The following SLC4A4 variants were observed in gnomAD, a reference collection of about 807,000 sequenced individuals.
SLC4A4 encodes the protein electrogenic sodium bicarbonate cotransporter 1.
In SLC4A4, 27 loss-of-function variants were observed where a neutral mutation model predicts 111.5. The ratio of observed to expected loss-of-function variants is 0.24; its 90% CI spans 0.18 to 0.33. The LOEUF (loss-of-function observed/expected upper bound fraction) is 0.33. SLC4A4 is among the 10% of genes least tolerant of loss of function. SLC4A4 has a pLI of 1.00. For synonymous variants in SLC4A4, 443 were observed against 463.4 expected (o/e 0.96, Z 0.57); for missense variants, 909 against 1,315.5 (o/e 0.69, Z 4.78).
chr4:71,450,264 T>C (rs900316120), intron 9 of SLC4A4, 125 bp from the exon 10 acceptor site: 1 of 750,728 alleles, frequency 1.3e-6, no homozygotes, highest in Non-Finnish European at 2.4e-6. Flanking sequence ...ATAGGGACTA[T>C]CAGAGCATGG....
chr4:71,083,903 T>C (rs1217093020), intron 1 of SLC4A4, among the ~76,000 whole-genome samples: 2 of 151,568 alleles, frequency 1.3e-5, no homozygotes, highest in Non-Finnish European at 2.9e-5. Context: ...AGCATTCTGC[T>C]CATCTTTGTT....
intron 7 of SLC4A4, among the ~76,000 whole-genome samples, chr4:71,405,367 G>A (rs1720748276): frequency 1.3e-5 from 2 of 152,004 alleles, no homozygotes; most frequent in African/African-American, 2.4e-5. Context: ...TAATAAAAAT[G>A]TGATTGTATT....
At chr4:71,399,935 G>A (rs148664515) in intron 7 of SLC4A4, among the ~76,000 whole-genome samples, 3 of 152,180 alleles carry the variant, frequency 2.0e-5, no homozygotes, top group African/African-American at 7.2e-5. Flanking sequence ...TTTAAATATG[G>A]GTACATTGGT....
intron 2 of SLC4A4, among the ~76,000 whole-genome samples, chr4:71,095,884 C>T (rs1356774910): frequency 6.6e-6 from 1 of 152,040 alleles, no homozygotes; most frequent in East Asian, 1.9e-4. Flanking sequence ...AGTCTGAGAC[C>T]TGAAGGATGA....
At chr4:71,195,905 C>A (rs180866799) in intron 1 of SLC4A4, among the ~76,000 whole-genome samples, 2 of 152,340 alleles carry the variant, frequency 1.3e-5, no homozygotes, top group East Asian at 3.9e-4. Flanking sequence ...TTCCTAATGT[C>A]TCTAATACAA....
At chr4:71,550,035 T>G (rs1170418985) in intron 20 of SLC4A4, among the ~76,000 whole-genome samples, 1 of 151,896 alleles carries the variant, frequency 6.6e-6, no homozygotes, top group Non-Finnish European at 1.5e-5. Flanking sequence ...CTCATTCAGC[T>G]GCTAGTGTTC....
At chr4:71,335,860 A>G (rs1418319238) in intron 3 of SLC4A4, among the ~76,000 whole-genome samples, 2 of 152,090 alleles carry the variant, frequency 1.3e-5, no homozygotes, top group East Asian at 1.9e-4. Flanking sequence ...AAAGTAAAAC[A>G]TATTCATTGT....
intron 6 of SLC4A4, among the ~76,000 whole-genome samples, chr4:71,384,718 C>A (rs1718504077): frequency 6.6e-6 from 1 of 150,794 alleles, no homozygotes; most frequent in Non-Finnish European, 1.5e-5. Context: ...TATTTCTAAT[C>A]CATTATTAAT....
chr4:71,534,450 T>G (rs902584247), intron 18 of SLC4A4, 62 bp downstream of exon 18: 3 of 1,523,432 alleles, frequency 2.0e-6, no homozygotes, highest in African/African-American at 2.7e-5. Flanking sequence ...TTGAAAACAC[T>G]AATTGATTAA....
intron 3 of SLC4A4, among the ~76,000 whole-genome samples, chr4:71,279,464 A>ATCTATGTATGTATATATACATATATCCG (rs1723328832): frequency 6.6e-6 from 1 of 152,184 alleles, no homozygotes; most frequent in Non-Finnish European, 1.5e-5. Flanking sequence ...GATATTATAT[A>ATCTATGTATGTATATATACATATATCCG]TCTATGTATG....
chr4:71,078,889 G>C (rs1381310923), intron 1 of SLC4A4, among the ~76,000 whole-genome samples: 1 of 151,848 alleles, frequency 6.6e-6, no homozygotes, highest in Non-Finnish European at 1.5e-5. Flanking sequence ...CATGATCTCT[G>C]CTCACTGCAA....
At chr4:71,282,268 G>A (rs1363507241) in intron 3 of SLC4A4, among the ~76,000 whole-genome samples, 1 of 151,576 alleles carries the variant, frequency 6.6e-6, no homozygotes, top group African/African-American at 2.4e-5. Flanking sequence ...AACTAACTGA[G>A]TTAGGAAAAA....
intron 6 of SLC4A4, among the ~76,000 whole-genome samples, chr4:71,370,202 T>C (rs1731733787): frequency 6.6e-6 from 1 of 152,214 alleles, no homozygotes; most frequent in African/African-American, 2.4e-5. Context: ...AAAGGTTAAG[T>C]AACTTGCCTA....
intron 6 of SLC4A4, among the ~76,000 whole-genome samples, chr4:71,361,030 G>A (rs1415435146): frequency 1.3e-5 from 2 of 152,108 alleles, no homozygotes; most frequent in Non-Finnish European, 2.9e-5. Flanking sequence ...GAGGAGGAGC[G>A]GCCCGGCTTC....
intron 2 of SLC4A4, among the ~76,000 whole-genome samples, chr4:71,159,461 C>T (rs1419494357): frequency 6.6e-6 from 1 of 152,076 alleles, no homozygotes; most frequent in African/African-American, 2.4e-5. Context: ...GCAACCTCTG[C>T]CTCCTGGTTC....
At position 71,547,669 on chromosome 4, in the gene SLC4A4, C is replaced by A. The variant is rs374748256; in HGVS notation, c.2643C>A (p.Thr881=). The change falls in exon 20 of 26, where the codon ACC becomes ACA. Residue 881 remains threonine, a synonymous_variant. Transcript: ENST00000264485. ...TCAGGGAACAAAGAGTCACTGGAAC[C>A]CTTGTGTTTATTCTGACTGGTCTGT... ...LGVREQRVTG[T]LVFILTGLSV... The A allele has an allele frequency of 1.2e-6, 2 of 1,611,636 alleles. No individual in the cohort carries two copies. Among genetic ancestry groups the A allele is most frequent in the African/African-American group, 2.7e-5 (2 of 74,684 alleles).
rs1022943400 is a variant in SLC4A4 at position 71,147,602 on chromosome 4, C to T, written c.-2+54810C>T. Among the ~76,000 whole-genome samples the T allele has an allele frequency of 1.6e-4, 25 of 152,120 alleles. 1 individual carries two copies. Among genetic ancestry groups the T allele is most frequent in the Admixed American group, 1.5e-3 (23 of 15,246 alleles). On this transcript the variant is annotated intron_variant, in intron 2 of 26. Coordinates refer to the SLC4A4 transcript ENST00000649996. ...AGGAGGAAATAGGAAAGAAATGGGG[C>T]TTGATTTAATCACAGCAGGGGTTCA... is the stretch of plus-strand genomic sequence containing the variant.
intron 8 of SLC4A4, among the ~76,000 whole-genome samples, chr4:71,443,083 A>ACTCTCT (rs1180993467): frequency 0.014 from 445 of 31,372 alleles, 27 homozygotes; most frequent in South Asian, 0.034. Context: ...AGAGGCCACT[A>ACTCTCT]CTCTCTCTCT....
At chr4:71,392,449 A>G (rs950510508) in intron 6 of SLC4A4, among the ~76,000 whole-genome samples, 1 of 152,100 alleles carries the variant, frequency 6.6e-6, no homozygotes, top group African/African-American at 2.4e-5. Context: ...TAGTATAGAT[A>G]CTGTTAAGAT....
Sources: allele counts gnomAD v4.1 joint callset (sites outside exome capture counted in the v4.1 genomes callset), GRCh38; gene constraint gnomAD v4.1.1; transcripts MANE v1.5; gene names NCBI Gene and HGNC (gene_info 2026-07-23, HGNC 2026-07-21).